The following CALN1 variants were observed in gnomAD, a reference collection of about 807,000 sequenced individuals.
CALN1 encodes calcium-binding protein 8.
CALN1 carries 17 observed loss-of-function variants against 30.6 expected under a neutral mutation model. The ratio of observed to expected loss-of-function variants is 0.56; its 90% confidence interval spans 0.38 to 0.83. The LOEUF is 0.83. CALN1 is among the 40% of genes least tolerant of loss of function. The pLI is 0.00. For synonymous variants in CALN1, 156 were observed against 131.4 expected (o/e 1.19, Z -1.28); for missense variants, 291 against 354.9 (o/e 0.82, Z 1.45).
intron 5 of CALN1, chr7:71,913,927 A>C (rs1469422817): frequency 1.3e-5 from 2 of 152,362 alleles, no homozygotes; most frequent in East Asian, 3.9e-4. Flanking sequence ...GTGAGTTAGG[A>C]ATCATTGTCC....
chr7:71,998,845 C>T (rs148758164), intron 5 of CALN1, among the ~76,000 whole-genome samples: 2 of 151,936 alleles, frequency 1.3e-5, no homozygotes, highest in East Asian at 1.9e-4. Context: ...TGTGAGCCAC[C>T]GCACCCAAAG....
intron 2 of CALN1, among the ~76,000 whole-genome samples, chr7:72,323,955 G>A (rs964617969): frequency 1.3e-5 from 2 of 151,952 alleles, no homozygotes; most frequent in South Asian, 4.2e-4. Flanking sequence ...GAGGCAGGAG[G>A]ATCACTTAAG....
At chr7:71,960,683 T>G (rs748324791) in intron 5 of CALN1, among the ~76,000 whole-genome samples, 13 of 152,208 alleles carry the variant, frequency 8.5e-5, no homozygotes, top group Non-Finnish European at 1.8e-4. Flanking sequence ...TTCCTGGTAG[T>G]GGGATTGCTG....
At chr7:71,938,266 C>CT (rs768119311) in intron 5 of CALN1, among the ~76,000 whole-genome samples, 2 of 152,002 alleles carry the variant, frequency 1.3e-5, no homozygotes, top group South Asian at 2.1e-4. Context: ...TGACGACAGA[C>CT]TTTTTTTTGC....
intron 5 of CALN1, among the ~76,000 whole-genome samples, chr7:71,915,085 A>C (rs530891086): frequency 1.3e-5 from 2 of 152,214 alleles, no homozygotes; most frequent in Non-Finnish European, 2.9e-5. Flanking sequence ...CAAAGGGATT[A>C]GTCTCTCCAC....
At chr7:71,848,406 GC>G (rs1321738838) in intron 5 of CALN1, among the ~76,000 whole-genome samples, 1 of 152,144 alleles carries the variant, frequency 6.6e-6, no homozygotes, top group Non-Finnish European at 1.5e-5. Context: ...AGACCAAGAA[GC>G]ACCAGCCATT....
chr7:71,856,790 A>T (rs1434774647), intron 5 of CALN1, among the ~76,000 whole-genome samples: 2 of 152,046 alleles, frequency 1.3e-5, no homozygotes, highest in African/African-American at 4.8e-5. Flanking sequence ...CCCCATCTCT[A>T]CTAGAAATAC....
At chr7:72,349,989 G>A (rs1483492652) in intron 2 of CALN1, among the ~76,000 whole-genome samples, 1 of 152,090 alleles carries the variant, frequency 6.6e-6, no homozygotes, top group African/African-American at 2.4e-5. Flanking sequence ...TGGCATCTTT[G>A]TCATTAAATC....
intron 2 of CALN1, among the ~76,000 whole-genome samples, chr7:72,290,451 CAGCCTCAGTGGT>C (rs1168814376): frequency 1.3e-5 from 2 of 152,100 alleles, no homozygotes; most frequent in African/African-American, 2.4e-5. Flanking sequence ...ACAGCAGTGG[CAGCCTCAGTGGT>C]AGCAACTCTC....
intron 5 of CALN1, among the ~76,000 whole-genome samples, chr7:71,876,501 G>A (rs1386110406): frequency 1.3e-5 from 2 of 152,114 alleles, no homozygotes; most frequent in Admixed American, 1.3e-4. Context: ...TCCAGTCTCA[G>A]CTATTCTGTT....
At chr7:72,011,395 A>C (rs900274240) in intron 5 of CALN1, among the ~76,000 whole-genome samples, 46 of 151,998 alleles carry the variant, frequency 3.0e-4, no homozygotes, top group African/African-American at 1.0e-3. Flanking sequence ...GCACCGTTGA[A>C]CCTCTGAACT....
chr7:72,227,846 G>C (rs960312065), intron 3 of CALN1, among the ~76,000 whole-genome samples: 3 of 149,562 alleles, frequency 2.0e-5, no homozygotes, highest in Non-Finnish European at 3.0e-5. Flanking sequence ...GAGAAGTAGA[G>C]GCACCAGAAA....
chr7:72,169,489 ATT>A (rs768976671), intron 3 of CALN1, among the ~76,000 whole-genome samples: 1 of 86,780 alleles, frequency 1.2e-5, no homozygotes, highest in Non-Finnish European at 2.9e-5. Flanking sequence ...CCAGCTGATT[ATT>A]TTTTTTTTTT....
At chr7:71,806,870 G>A (rs28465034) in intron 6 of CALN1, among the ~76,000 whole-genome samples, 2,607 of 152,200 alleles carry the variant, frequency 0.017, 72 homozygotes, top group African/African-American at 0.056. Flanking sequence ...GGATTTGAGG[G>A]TTCCTCCTGT....
upstream of CALN1, among the ~76,000 whole-genome samples, chr7:72,450,124 T>TG (rs1271569882): frequency 2.6e-5 from 4 of 151,978 alleles, no homozygotes; most frequent in Non-Finnish European, 4.4e-5. Flanking sequence ...GAGGATCACT[T>TG]GATCCCAGGA....
intron 4 of CALN1, among the ~76,000 whole-genome samples, chr7:72,050,679 C>G (rs1372111342): frequency 6.6e-6 from 1 of 152,090 alleles, no homozygotes; most frequent in African/African-American, 2.4e-5. Flanking sequence ...AACTTGTTTT[C>G]AGATGTAATT....
At position 71,854,227 on chromosome 7, in the gene CALN1, G is replaced by A. The variant is rs989755704; in HGVS notation, c.502-43735C>T. 3.3e-5 allele frequency among the ~76,000 whole-genome samples: 5 copies of A among 151,992 alleles called. No homozygotes were observed. The South Asian group carries it at 6.2e-4, about 19-fold the overall frequency. ...ATGAATGGAGAGAAAGAAACAGGCCGGGCAGGAGGCTGAGGCAGGAGAATC... is the reference window on the plus strand; with the variant it reads ...ATGAATGGAGAGAAAGAAACAGGCCAGGCAGGAGGCTGAGGCAGGAGAATC... On this transcript the variant is annotated intron_variant, in intron 5 of 6. Coordinates refer to ENST00000395275, the MANE Select transcript of CALN1 (RefSeq NM_031468.4).
Position 71,787,849 on chromosome 7 carries a change from C to G in CALN1, c.712G>C (p.Ala238Pro). 6.2e-7 allele frequency: 1 copy of G among 1,614,018 alleles called. No homozygotes were observed. Among genetic ancestry groups the G allele is most frequent in the Non-Finnish European group, 8.5e-7 (1 of 1,180,030 alleles). ...CTGATGATGAAGGCCATAGCAAAGG[C>G]GCATATGAGGCTCTTCCGGACGCAG... ...QTCVRKSLICAFAMAFIISVM... is the reference protein window; with the variant it reads ...QTCVRKSLICPFAMAFIISVM... Residue 238 changes from alanine to proline, a missense_variant, in exon 7 of 7, where the codon GCC (alanine) becomes CCC (proline). Coordinates refer to ENST00000395275, the MANE Select transcript of CALN1 (RefSeq NM_031468.4).
At chr7:72,474,640 G>A in the CALN1 span, among the ~76,000 whole-genome samples, 1 of 151,660 alleles carries the variant, frequency 6.6e-6, no homozygotes, top group African/African-American at 2.4e-5. Flanking sequence ...AGCTGTGACT[G>A]CACCACTGCA....
Sources: allele counts gnomAD v4.1 joint callset (sites outside exome capture counted in the v4.1 genomes callset), GRCh38; gene constraint gnomAD v4.1.1; transcripts MANE v1.5; gene names NCBI Gene and HGNC (gene_info 2026-07-23, HGNC 2026-07-21).